TNNI3K: variants seen among roughly 807,000 people sequenced by gnomAD.
TNNI3K encodes TNNI3 interacting kinase.
TNNI3K carries 140 observed loss-of-function variants against 114.5 expected under a neutral mutation model. The ratio of observed to expected loss-of-function variants is 1.22; its 90% CI spans 1.07 to 1.41. The LOEUF is 1.41. Ranked by LOEUF, TNNI3K falls within the 40% of genes most tolerant of loss-of-function variation. TNNI3K has a pLI of 0.00. For missense variants in TNNI3K, 1,125 were observed against 1,007.6 expected (o/e 1.12, Z -1.58); for synonymous variants, 347 against 347.5 (o/e 1.00, Z 0.02).
At chr1:74,400,547 T>G (rs1385237811) in intron 17 of TNNI3K, among the ~76,000 whole-genome samples, 1 of 152,220 alleles carries the variant, frequency 6.6e-6, no homozygotes, top group Non-Finnish European at 1.5e-5. Context: ...GCATGTTGGC[T>G]CTATACTAGG....
chr1:74,299,291 T>A (rs1222790997), intron 5 of TNNI3K, among the ~76,000 whole-genome samples: 1 of 152,134 alleles, frequency 6.6e-6, no homozygotes, highest in Non-Finnish European at 1.5e-5. Flanking sequence ...TGAAGTTTAT[T>A]TTTTGTTTAG....
chr1:74,535,693 A>C (rs1356011913), intron 23 of TNNI3K, among the ~76,000 whole-genome samples: 2 of 152,142 alleles, frequency 1.3e-5, no homozygotes, highest in Non-Finnish European at 2.9e-5. Context: ...TAGGAAATGC[A>C]GCATTTTGTT....
intron 17 of TNNI3K, among the ~76,000 whole-genome samples, chr1:74,394,733 G>T (rs138858231): frequency 0.015 from 2,216 of 152,296 alleles, 60 homozygotes; most frequent in African/African-American, 0.05. Context: ...GCAACAAAAT[G>T]CAGCAGGACA....
intron 21 of TNNI3K, among the ~76,000 whole-genome samples, chr1:74,466,657 A>G (rs1278324728): frequency 6.6e-6 from 1 of 152,182 alleles, no homozygotes; most frequent in Middle Eastern, 3.2e-3. Flanking sequence ...GTTGAGCCTG[A>G]CTTGGCTCTG....
At chr1:74,508,289 T>C (rs1670008837) in intron 23 of TNNI3K, among the ~76,000 whole-genome samples, 1 of 152,214 alleles carries the variant, frequency 6.6e-6, no homozygotes, top group Non-Finnish European at 1.5e-5. Flanking sequence ...AAAATAGTAA[T>C]AATAATAGCC....
At chr1:74,364,759 G>A (rs1387110029) in intron 11 of TNNI3K, among the ~76,000 whole-genome samples, 1 of 151,374 alleles carries the variant, frequency 6.6e-6, no homozygotes, top group Non-Finnish European at 1.5e-5. Flanking sequence ...GCCAACCATT[G>A]CTGGCTTTGA....
intron 22 of TNNI3K, among the ~76,000 whole-genome samples, chr1:74,490,871 G>A (rs1245334572): frequency 1.3e-5 from 2 of 152,168 alleles, no homozygotes; most frequent in Non-Finnish European, 2.9e-5. Context: ...TAAATATAAT[G>A]TCCTGCAGCA....
Position 74,451,321 on chromosome 1 carries a change from A to G in TNNI3K, c.2011+11699A>G, listed in dbSNP as rs528536158. ...TGCTTAATACCTAGGTGACAGGTTG[A>G]TAGGTGCAGCAAACCATCATGGTAC... On this transcript the variant is annotated intron_variant, in intron 20 of 24. Transcript: ENST00000326637. Among the ~76,000 whole-genome samples the G allele has an allele frequency of 5.9e-5, 9 of 152,270 alleles. No individual in the cohort carries two copies. In the South Asian group the frequency reaches 1.9e-3, roughly 32 times the overall value.
intron 5 of TNNI3K, among the ~76,000 whole-genome samples, chr1:74,308,203 C>G (rs1658769557): frequency 6.6e-6 from 1 of 152,062 alleles, no homozygotes; most frequent in South Asian, 2.1e-4. Flanking sequence ...CTATCAACCG[C>G]AGAATATACA....
At chr1:74,416,986 C>T (rs1665147925) in intron 17 of TNNI3K, among the ~76,000 whole-genome samples, 1 of 151,958 alleles carries the variant, frequency 6.6e-6, no homozygotes. Context: ...CACCTGAACT[C>T]CAGAATCCTA....
At chr1:74,333,570 A>T (rs1660321756) in intron 6 of TNNI3K, among the ~76,000 whole-genome samples, 1 of 152,208 alleles carries the variant, frequency 6.6e-6, no homozygotes, top group Non-Finnish European at 1.5e-5. Context: ...AATTATGCTA[A>T]AATGTGGATG....
At chr1:74,497,168 A>G (rs1669371262) in intron 23 of TNNI3K, among the ~76,000 whole-genome samples, 1 of 152,170 alleles carries the variant, frequency 6.6e-6, no homozygotes, top group African/African-American at 2.4e-5. Context: ...CTGGGTTACA[A>G]CAATTGTGTA....
chr1:74,407,263 G>A (rs1232834290), intron 17 of TNNI3K, among the ~76,000 whole-genome samples: 1 of 152,128 alleles, frequency 6.6e-6, no homozygotes, highest in Non-Finnish European at 1.5e-5. Flanking sequence ...GAGAAATAAT[G>A]CTATTAACTC....
At chr1:74,414,553 T>C (rs1011382957) in intron 17 of TNNI3K, among the ~76,000 whole-genome samples, 2 of 152,212 alleles carry the variant, frequency 1.3e-5, no homozygotes, top group Admixed American at 6.5e-5. Context: ...TATTAGCATA[T>C]ATAAATTGAA....
intron 17 of TNNI3K, among the ~76,000 whole-genome samples, chr1:74,422,175 G>C (rs1009945220): frequency 4.0e-5 from 6 of 151,640 alleles, no homozygotes; most frequent in Non-Finnish European, 8.8e-5. Flanking sequence ...ATGTATTCTT[G>C]TTCTCACTAT....
intron 2 of TNNI3K, among the ~76,000 whole-genome samples, chr1:74,241,722 AG>A (rs1403054443): frequency 1.3e-5 from 2 of 151,974 alleles, no homozygotes; most frequent in Admixed American, 6.5e-5. Context: ...CCCATTCTGT[AG>A]GTTGCCTGTT....
chr1:74,403,213 A>G (rs1217294594), intron 17 of TNNI3K, among the ~76,000 whole-genome samples: 2 of 152,176 alleles, frequency 1.3e-5, no homozygotes, highest in Non-Finnish European at 2.9e-5. Context: ...ATTCTGGATC[A>G]TAGCCCCTTA....
intron 17 of TNNI3K, among the ~76,000 whole-genome samples, chr1:74,429,788 T>G (rs768464749): frequency 6.6e-6 from 1 of 152,162 alleles, no homozygotes; most frequent in African/African-American, 2.4e-5. Context: ...TTGCTTCCAC[T>G]GATTTAACCC....
chr1:74,252,528 G>A (rs997406143), intron 4 of TNNI3K, among the ~76,000 whole-genome samples: 1 of 152,204 alleles, frequency 6.6e-6, no homozygotes, highest in African/African-American at 2.4e-5. Context: ...CTCACTTCAA[G>A]AATGAAGCCA....
Sources: allele counts gnomAD v4.1 joint callset (sites outside exome capture counted in the v4.1 genomes callset), GRCh38; gene constraint gnomAD v4.1.1; transcripts MANE v1.5; gene names NCBI Gene and HGNC (gene_info 2026-07-23, HGNC 2026-07-21).